Variants in ERGIC3 observed in about 807,000 individuals in gnomAD.
ERGIC3 encodes the protein ERGIC and golgi 3.
In ERGIC3, 33 loss-of-function variants were observed where a neutral mutation model predicts 54.7. The observed-to-expected ratio is 0.60, with a 90% CI of 0.46 to 0.81. The LOEUF (loss-of-function observed/expected upper bound fraction) is 0.81, where lower values mean the gene tolerates loss of function less well. ERGIC3 is among the 30% of genes least tolerant of loss of function. The pLI is 0.00. For missense variants in ERGIC3, 399 were observed against 488.4 expected (o/e 0.82, Z 1.73); for synonymous variants, 186 against 189.8 (o/e 0.98, Z 0.16).
At position 35,549,050 on chromosome 20, in the gene ERGIC3, A is replaced by C. The variant is rs1346576583; in HGVS notation, c.685+185A>C. 5.6e-6 allele frequency: 4 copies of C among 708,726 alleles called. No homozygotes were observed. In the Admixed American group the frequency reaches 6.2e-5, roughly 11 times the overall value. The allele number at this position is 708,726 out of a possible 1,614,324, so 43.9% of individuals were successfully genotyped here. ...CAGGCCGAGGAGCCAGACTGCCTGC[A>C]TTCAGATACCAGTTTCAGACCTTAC... On this transcript the variant is annotated intron_variant, in intron 7 of 12. Transcript: ENST00000348547.
At chr20:35,550,769 A>C (rs2064677894) in intron 7 of ERGIC3, among the ~76,000 whole-genome samples, 1 of 152,240 alleles carries the variant, frequency 6.6e-6, no homozygotes, top group Non-Finnish European at 1.5e-5. Flanking sequence ...AAAGCTCTCC[A>C]GCTGCTCTGT....
chr20:35,556,599 T>C (rs1252470095), intron 10 of ERGIC3: 1 of 495,350 alleles, frequency 2.0e-6, no homozygotes, highest in East Asian at 3.8e-5. Context: ...CTCCCAAGGC[T>C]GCCCTGGCCT....
chr20:35,554,999 CCTA>C (rs1465776290), intron 7 of ERGIC3, 42 bp from the exon 8 acceptor site: 8 of 1,612,132 alleles, frequency 5.0e-6, no homozygotes, highest in Non-Finnish European at 5.9e-6. Context: ...CAGTGCTGCT[CCTA>C]CTAATGACGC....
chr20:35,554,432 C>T, intron 7 of ERGIC3: 2 of 1,611,886 alleles, frequency 1.2e-6, no homozygotes, highest in South Asian at 1.1e-5. Context: ...ACTTCTGGGG[C>T]AGCCTGCCCT....
Position 35,542,849 on chromosome 20 carries a change from C to T in ERGIC3, c.275C>T (p.Ala92Val). 6.2e-7 allele frequency: 1 copy of T among 1,614,086 alleles called. No individual in the cohort carries two copies. Among genetic ancestry groups the T allele is most frequent in the East Asian group, 2.2e-5 (1 of 44,888 alleles). ...CTGAGTATTGATGCCATGGATGTGG[C>T]CGGAGAACAGCAGCTGGATGTGGAA... ...AYLSIDAMDV[A>V]GEQQLDVEHN... is the part of the protein sequence containing the mutation. Residue 92 changes from alanine to valine, a missense_variant, in exon 4 of 13, where the codon GCC becomes GTC. By Grantham distance (64) the Ala-to-Val change is moderately conservative. Coordinates refer to ENST00000348547, the MANE Select transcript of ERGIC3 (RefSeq NM_015966.3).
At chr20:35,550,619 AAAT>A (rs1326877963) in intron 7 of ERGIC3, among the ~76,000 whole-genome samples, 9 of 152,196 alleles carry the variant, frequency 5.9e-5, no homozygotes, top group East Asian at 3.9e-4. Context: ...CCATTTCAAA[AAAT>A]AATAATAAAT....
chr20:35,554,740 C>T (rs1568872661), intron 7 of ERGIC3: 3 of 593,184 alleles, frequency 5.1e-6, no homozygotes, highest in South Asian at 2.0e-5. Context: ...AGCCCATAGT[C>T]GGTGGGTTTT....
chr20:35,556,332 A>T (rs375652868), intron 10 of ERGIC3, 61 bp downstream of exon 10: 1 of 1,572,872 alleles, frequency 6.4e-7, no homozygotes. Flanking sequence ...GAGTTCCTGC[A>T]TTTCGTTCCG....
At chr20:35,556,301 C>T (rs776651852) in intron 10 of ERGIC3, 30 bp downstream of exon 10, 2 of 1,612,202 alleles carry the variant, frequency 1.2e-6, no homozygotes, top group East Asian at 2.2e-5. Flanking sequence ...ACCAGAGTCT[C>T]CTGCGCGGTG....
At chr20:35,553,251 C>T (rs2064692106) in intron 7 of ERGIC3, among the ~76,000 whole-genome samples, 1 of 149,018 alleles carries the variant, frequency 6.7e-6, no homozygotes, top group African/African-American at 2.5e-5. Context: ...CCCGCTTGGC[C>T]CCCCAAAATG....
At chr20:35,544,476 C>T in intron 4 of ERGIC3, 1 of 300,284 alleles carries the variant, frequency 3.3e-6, no homozygotes, top group South Asian at 3.6e-5. Flanking sequence ...TGGGACATTG[C>T]TCAGCTCCTC....
chr20:35,542,544 G>C lies in ERGIC3; in HGVS notation c.191G>C (p.Arg64Pro), dbSNP rs1601358200. Residue 64 changes from arginine to proline, a missense_variant, in exon 3 of 13, where the codon CGG (arginine) becomes CCG (proline). By Grantham distance (103) the Arg-to-Pro change is moderately radical. Coordinates refer to ENST00000348547, the MANE Select transcript of ERGIC3 (RefSeq NM_015966.3). ...CCTGAGCTCTACGTGGACAAGTCGC[G>C]GGGAGATAAACTGAAGATCAACATC... ...VHPELYVDKS[R>P]GDKLKINIDV... 6.2e-7 allele frequency: 1 copy of C among 1,613,936 alleles called. No homozygotes were observed. The highest frequency in any genetic ancestry group is 1.1e-5 in the South Asian group (1 of 91,074).
In ERGIC3 at chr20:35,542,168, C is replaced by G; in HGVS notation, c.71C>G (p.Thr24Ser). ...ACTTTGGAGGACTTCCGGGTCAAGA[C>G]CTGCGGGGGCGCCACCGGTAGGCCG... ...PKTLEDFRVKTCGGATVTIVS... is the reference protein window; with the variant it reads ...PKTLEDFRVKSCGGATVTIVS... The change falls in exon 1 of 13, where the codon ACC (threonine) becomes AGC (serine). Residue 24 changes from threonine to serine, a missense_variant. By Grantham distance (58) the Thr-to-Ser change is moderately conservative. Coordinates refer to ENST00000348547, the MANE Select transcript of ERGIC3 (RefSeq NM_015966.3). 1 of 1,579,324 alleles carries G rather than the reference C, an allele frequency of 6.3e-7. No homozygotes were observed. The highest frequency in any genetic ancestry group is 8.6e-7 in the Non-Finnish European group (1 of 1,161,828).
Position 35,542,591 on chromosome 20 carries a change from C to T in ERGIC3, c.238C>T (p.Pro80Ser), listed in dbSNP as rs775455776. The stretch of plus-strand genomic sequence containing the variant: ...CATCGATGTACTTTTTCCGCACATG[C>T]CTTGTGCCTGTGAGTACCTCACCAT... ...INIDVLFPHM[P>S]CAYLSIDAMD... Residue 80 changes from proline to serine, a missense_variant, in exon 3 of 13, where the codon CCT (proline) becomes TCT (serine). Pro to Ser is a moderately conservative substitution (Grantham distance 74). Transcript: ENST00000348547. 3.1e-6 allele frequency: 5 copies of T among 1,613,804 alleles called. No individual in the cohort carries two copies. In the African/African-American group the frequency reaches 5.3e-5, roughly 17 times the overall value.
At chr20:35,554,393 G>A in intron 7 of ERGIC3, 2 of 1,614,122 alleles carry the variant, frequency 1.2e-6, no homozygotes, top group East Asian at 4.5e-5. Flanking sequence ...GAGAGTAAGT[G>A]GCCCTGCCCC....
At chr20:35,550,567 A>C (rs753641384) in intron 7 of ERGIC3, among the ~76,000 whole-genome samples, 10 of 152,040 alleles carry the variant, frequency 6.6e-5, no homozygotes, top group Non-Finnish European at 1.0e-4. Context: ...AGTGAGCTGA[A>C]ATTGCGCCAT....
At chr20:35,551,168 C>T (rs925157000) in intron 7 of ERGIC3, among the ~76,000 whole-genome samples, 11 of 152,030 alleles carry the variant, frequency 7.2e-5, no homozygotes, top group Admixed American at 4.6e-4. Context: ...GCGGCGTGCG[C>T]CTGTAGTCCC....
At position 35,548,837 on chromosome 20, in the gene ERGIC3, G is replaced by C. The variant is rs760800923; in HGVS notation, c.657G>C (p.Gly219=). Residue 219 remains glycine (G), a synonymous_variant, in exon 7 of 13, where the codon GGG becomes GGC. Transcript: ENST00000348547. ...KVAGNFHFAP[G]KSFQQSHVHV... ...CCGGAAACTTCCACTTTGCCCCTGG[G>C]AAGAGCTTCCAGCAGTCCCATGTGC... The C allele has an allele frequency of 4.3e-6, 7 of 1,614,250 alleles. No individual in the cohort carries two copies. In the South Asian group the frequency reaches 7.7e-5, roughly 18 times the overall value.
In ERGIC3 at chr20:35,557,559, C is replaced by T. The variant is rs368256309; in HGVS notation, c.*55C>T. ...TTCTCCCTGGCCTGTGGTTGTCCCC[C>T]AGCCTCTGCCACCCTCCACCTCCTC... On this transcript the variant is annotated 3_prime_UTR_variant, in exon 13 of 13. Coordinates refer to ENST00000348547, the MANE Select transcript of ERGIC3 (RefSeq NM_015966.3). 7.9e-5 allele frequency: 117 copies of T among 1,490,104 alleles called. 1 individual carries two copies. The South Asian group carries it at 1.2e-3, about 15-fold the overall frequency. 92.3% of individuals were successfully genotyped at this position (1,490,104 alleles called of 1,614,324 possible).
Sources: gnomAD v4.1 joint callset for allele counts (sites outside exome capture counted in the v4.1 genomes callset) on GRCh38, gnomAD v4.1.1 for gene constraint, MANE v1.5 for transcripts, NCBI Gene and HGNC (gene_info 2026-07-23, HGNC 2026-07-21) for gene names.